Variants in SULT1E1 observed in about 807,000 individuals in gnomAD.
SULT1E1 encodes sulfotransferase 1E1.
Under a neutral mutation model 33.6 loss-of-function variants are expected in SULT1E1, and 36 were observed. That is an observed-to-expected ratio of 1.07 (90% CI 0.82 to 1.41). The LOEUF (loss-of-function observed/expected upper bound fraction) is 1.41. SULT1E1 is among the 40% of genes most tolerant of loss of function. The pLI is 0.00. For synonymous variants in SULT1E1, 121 were observed against 111.7 expected, an observed-to-expected ratio of 1.08 and a Z score of -0.53; for missense variants, 371 against 345.7, an observed-to-expected ratio of 1.07 and a Z score of -0.58.
At chr4:69,839,362 A>AAAG (rs1303898468), downstream of SULT1E1, among the ~76,000 whole-genome samples, 1 of 152,172 alleles carries the variant, frequency 6.6e-6, no homozygotes, top group African/African-American at 2.4e-5. Flanking sequence ...CTTTTGTAAT[A>AAAG]AAGTCTCTCT....
chr4:69,848,649 T>A lies in SULT1E1; in HGVS notation c.496+788A>T, dbSNP rs3822174. ...AATCTTAAGACATATGTATTACTCA[T>A]TATGCTTTAGCAAAAATTTTCCCAA... On this transcript the variant is annotated intron_variant, in intron 5 of 7. Coordinates refer to ENST00000226444, the MANE Select transcript of SULT1E1 (RefSeq NM_005420.3). Among the ~76,000 whole-genome samples the A allele has an allele frequency of 2.8e-5, 4 of 142,150 alleles. No individual in the cohort carries two copies. The South Asian group carries it at 1.0e-3, about 36-fold the overall frequency. 93.3% of individuals were successfully genotyped at this position (142,150 alleles called of 152,430 possible).
the SULT1E1 span, among the ~76,000 whole-genome samples, chr4:69,822,237 A>C: frequency 2.0e-5 from 3 of 152,188 alleles, no homozygotes; most frequent in African/African-American, 7.2e-5. Flanking sequence ...CCAACTTTTA[A>C]GGTAGGTACT....
the SULT1E1 span, among the ~76,000 whole-genome samples, chr4:69,824,610 A>C: frequency 6.6e-6 from 1 of 151,916 alleles, no homozygotes; most frequent in Non-Finnish European, 1.5e-5. Context: ...GGACTTGGAG[A>C]ATTTTTGTGT....
chr4:69,843,642 A>G (rs558727346), intron 7 of SULT1E1, among the ~76,000 whole-genome samples: 4 of 152,256 alleles, frequency 2.6e-5, no homozygotes, highest in African/African-American at 9.6e-5. Flanking sequence ...GTCTCCCCCC[A>G]AATAGAATTT....
At chr4:69,842,213 A>G (rs1226972205) in intron 7 of SULT1E1, 107 bp from the exon 8 acceptor site, 6 of 660,518 alleles carry the variant, frequency 9.1e-6, no homozygotes, top group Admixed American at 6.4e-5. Flanking sequence ...TTATACTTGT[A>G]ATTCTCAATT....
intron 4 of SULT1E1, among the ~76,000 whole-genome samples, chr4:69,853,690 G>A (rs1578105844): frequency 1.3e-5 from 2 of 152,128 alleles, no homozygotes; most frequent in Admixed American, 1.3e-4. Context: ...AGGCTTGCAT[G>A]TGTCTTACTC....
At chr4:69,823,714 C>T in the SULT1E1 span, among the ~76,000 whole-genome samples, 5 of 152,140 alleles carry the variant, frequency 3.3e-5, no homozygotes, top group Non-Finnish European at 5.9e-5. Flanking sequence ...TATTTAGAGT[C>T]TGTGTAAATA....
chr4:69,844,627 T>C (rs1220398103), intron 6 of SULT1E1, among the ~76,000 whole-genome samples: 1 of 152,136 alleles, frequency 6.6e-6, no homozygotes, highest in Non-Finnish European at 1.5e-5. Context: ...ATAGATGTTG[T>C]CTATGAAAAC....
intron 4 of SULT1E1, among the ~76,000 whole-genome samples, chr4:69,851,570 C>T (rs1455034232): frequency 1.3e-5 from 2 of 152,066 alleles, no homozygotes; most frequent in African/African-American, 2.4e-5. Flanking sequence ...GTATGGCGAT[C>T]CCTCAGGGAT....
At chr4:69,833,750 C>T in the SULT1E1 span, among the ~76,000 whole-genome samples, 2 of 152,186 alleles carry the variant, frequency 1.3e-5, no homozygotes, top group Non-Finnish European at 2.9e-5. Context: ...CTTGTAGGAA[C>T]TTATATTCCT....
the SULT1E1 span, among the ~76,000 whole-genome samples, chr4:69,832,021 G>C: frequency 6.6e-6 from 1 of 152,276 alleles, no homozygotes; most frequent in Non-Finnish European, 1.5e-5. Context: ...AGTTTCATCT[G>C]AATTGCAGAG....
the SULT1E1 span, among the ~76,000 whole-genome samples, chr4:69,822,972 A>G: frequency 1.3e-5 from 2 of 152,220 alleles, no homozygotes; most frequent in Non-Finnish European, 2.9e-5. Flanking sequence ...CGTGCTGAGT[A>G]TATCCATAAT....
intron 2 of SULT1E1, among the ~76,000 whole-genome samples, chr4:69,856,821 A>T (rs182087762): frequency 4.3e-3 from 647 of 150,628 alleles, no homozygotes; most frequent in Non-Finnish European, 6.7e-3. Context: ...CTGCAGTCCC[A>T]GCTACTCGGG....
the SULT1E1 span, among the ~76,000 whole-genome samples, chr4:69,834,726 A>G: frequency 4.6e-5 from 7 of 152,218 alleles, no homozygotes; most frequent in African/African-American, 1.7e-4. Flanking sequence ...AGAAGAAAGT[A>G]TAGAAGGAAA....
chr4:69,847,674 G>C, intron 6 of SULT1E1, 24 bp downstream of exon 6: 1 of 1,451,872 alleles, frequency 6.9e-7, no homozygotes. Flanking sequence ...TTACCAAGTT[G>C]CTTATGTGTT....
chr4:69,829,011 C>G, the SULT1E1 span, among the ~76,000 whole-genome samples: 1 of 152,118 alleles, frequency 6.6e-6, no homozygotes, highest in Admixed American at 6.6e-5. Context: ...GGAGTCTTGT[C>G]CAAGTGTACT....
downstream of SULT1E1, among the ~76,000 whole-genome samples, chr4:69,840,940 G>T (rs939704434): frequency 6.6e-6 from 1 of 152,118 alleles, no homozygotes; most frequent in African/African-American, 2.4e-5. Context: ...CAGCTACTTG[G>T]AAGGCTGAGG....
At chr4:69,847,522 T>C (rs1427823262) in intron 6 of SULT1E1, among the ~76,000 whole-genome samples, 176 bp downstream of exon 6, 1 of 151,870 alleles carries the variant, frequency 6.6e-6, no homozygotes, top group African/African-American at 2.4e-5. Flanking sequence ...AGAATATTTT[T>C]ATTTGCTAGC....
chr4:69,846,537 T>C (rs1004678104), intron 6 of SULT1E1, among the ~76,000 whole-genome samples: 3 of 151,448 alleles, frequency 2.0e-5, no homozygotes, highest in Non-Finnish European at 4.4e-5. Flanking sequence ...ATCTGGGTTG[T>C]TTTCAATTTT....
Sources: gnomAD v4.1 joint callset for allele counts (sites outside exome capture counted in the v4.1 genomes callset) on GRCh38, gnomAD v4.1.1 for gene constraint, MANE v1.5 for transcripts, NCBI Gene and HGNC (gene_info 2026-07-23, HGNC 2026-07-21) for gene names.